The following PMEPA1 variants were observed in gnomAD, a reference collection of about 807,000 sequenced individuals.
PMEPA1 encodes the protein prostate transmembrane protein, androgen induced 1, also known as protein TMEPAI.
PMEPA1 carries 11 observed loss-of-function variants against 23.0 expected under a neutral mutation model. That is an observed-to-expected ratio of 0.48 (90% CI 0.30 to 0.79). The LOEUF (loss-of-function observed/expected upper bound fraction) is 0.79, where lower values mean the gene tolerates loss of function less well. Among genes scored for constraint, PMEPA1 ranks in the 30% least tolerant of loss-of-function variants. The pLI, the probability that PMEPA1 is intolerant of heterozygous loss-of-function variation, is 0.06. For missense variants in PMEPA1, 377 were observed against 390.9 expected, an observed-to-expected ratio of 0.96 and a Z score of 0.30; for synonymous variants, 204 against 166.4, an observed-to-expected ratio of 1.23 and a Z score of -1.74.
At chr20:57,653,133 G>C in intron 2 of PMEPA1, 47 bp from the exon 3 acceptor site, 1 of 1,489,500 alleles carries the variant, frequency 6.7e-7, no homozygotes, top group Non-Finnish European at 9.2e-7. Context: ...GTGGGCAGGA[G>C]GGACAGCAAA....
At position 57,649,400 on chromosome 20, in the gene PMEPA1, C is replaced by A. The variant is rs528024892; in HGVS notation, c.*2653G>T. ...CACTACCCCATGAACTTCTGCCATC[C>A]ACTGGACATGAAGCTGAGGACACTG... On this transcript the variant is annotated 3_prime_UTR_variant, in exon 4 of 4. Transcript: ENST00000341744. The A allele has an allele frequency of 6.6e-6, 1 of 152,224 alleles. No homozygotes were observed. Among genetic ancestry groups the A allele is most frequent in the Non-Finnish European group, 1.5e-5 (1 of 68,078 alleles). The allele number at this position is 152,224 out of a possible 1,614,324, so 9.4% of individuals were successfully genotyped here. A position where few individuals can be genotyped will look rare whatever the true frequency, so the allele number is the denominator to read the frequency against.
At chr20:57,688,102 C>T (rs927660504) in intron 1 of PMEPA1, among the ~76,000 whole-genome samples, 9 of 152,180 alleles carry the variant, frequency 5.9e-5, no homozygotes, top group African/African-American at 1.4e-4. Context: ...GCCTCCGCCT[C>T]GGGACGGCCT....
Position 57,704,857 on chromosome 20 carries a change from T to G in PMEPA1, c.109+4617A>C, listed in dbSNP as rs2072056626. On this transcript the variant is annotated intron_variant, in intron 1 of 3. Transcript: ENST00000341744. The surrounding 1 kb of genome is among the most constrained non-coding windows in gnomAD (Gnocchi z 4.6). ...GCATCTTGCAGCATGGAGGCTTCCT[T>G]GGGGCTCCTGAGGGAGGCAACTCTG... Among the ~76,000 whole-genome samples, 1 of 152,136 alleles carries G rather than the reference T, an allele frequency of 6.6e-6. No homozygotes were observed. The highest frequency in any genetic ancestry group is 6.5e-5 in the Admixed American group (1 of 15,280).
chr20:57,659,055 G>C (rs940083756), intron 2 of PMEPA1, among the ~76,000 whole-genome samples: 5 of 152,206 alleles, frequency 3.3e-5, no homozygotes, highest in African/African-American at 1.2e-4. Flanking sequence ...GTCAAGACGG[G>C]GGTCAGCTTG....
In PMEPA1 at chr20:57,709,464, G is replaced by A; in HGVS notation, c.109+10C>T. 9.0e-7 allele frequency: 1 copy of A among 1,111,038 alleles called. No homozygotes were observed. The highest frequency in any genetic ancestry group is 3.2e-5 in the South Asian group (1 of 31,636). 68.8% of individuals were successfully genotyped at this position (1,111,038 alleles called of 1,614,324 possible). On this transcript the variant is annotated intron_variant, in intron 1 of 3. Coordinates refer to ENST00000341744, the MANE Select transcript of PMEPA1 (RefSeq NM_020182.5). ...GGAGTCTCCGGGGAGGGGGGCGTGGGGTCACTCACTGATCTCCATGCTCTG... is the reference window on the plus strand; with the variant it reads ...GGAGTCTCCGGGGAGGGGGGCGTGGAGTCACTCACTGATCTCCATGCTCTG...
At chr20:57,668,663 T>C (rs1207251440) in intron 1 of PMEPA1, among the ~76,000 whole-genome samples, 1 of 152,206 alleles carries the variant, frequency 6.6e-6, no homozygotes, top group African/African-American at 2.4e-5. Context: ...TATTTTCAGG[T>C]GTGAACCTTT....
chr20:57,706,182 G>T (rs1169464052), intron 1 of PMEPA1, among the ~76,000 whole-genome samples: 1 of 152,142 alleles, frequency 6.6e-6, no homozygotes, highest in Non-Finnish European at 1.5e-5. Flanking sequence ...CTCAGGAAAC[G>T]CCTCCCGCGT....
intron 1 of PMEPA1, among the ~76,000 whole-genome samples, chr20:57,693,394 C>T (rs564748525): frequency 1.3e-5 from 2 of 152,340 alleles, no homozygotes; most frequent in South Asian, 4.1e-4. Context: ...GGATCCGAGA[C>T]CTGCATCCAG....
chr20:57,687,064 G>T (rs996765532), intron 1 of PMEPA1, among the ~76,000 whole-genome samples: 2 of 152,176 alleles, frequency 1.3e-5, no homozygotes, highest in Admixed American at 6.5e-5. Context: ...CCTAATCTTC[G>T]CTCCTCTTGC....
At chr20:57,673,926 C>CATGCAACCA (rs1300613265) in intron 1 of PMEPA1, among the ~76,000 whole-genome samples, 6 of 152,220 alleles carry the variant, frequency 3.9e-5, no homozygotes, top group African/African-American at 1.4e-4. Flanking sequence ...AATGGGGCCT[C>CATGCAACCA]ACTCATGCAA....
intron 1 of PMEPA1, among the ~76,000 whole-genome samples, chr20:57,693,243 G>A (rs1286223218): frequency 6.6e-6 from 1 of 152,210 alleles, no homozygotes; most frequent in Admixed American, 6.5e-5. Flanking sequence ...TCAGGTAGGA[G>A]GCAGGCCCAC....
At chr20:57,706,272 C>T (rs2072085978) in intron 1 of PMEPA1, among the ~76,000 whole-genome samples, 1 of 152,106 alleles carries the variant, frequency 6.6e-6, no homozygotes, top group Admixed American at 6.5e-5. Context: ...AAGTTTGAGG[C>T]AATAACCAGA....
In PMEPA1 at chr20:57,652,906, C is replaced by A; in HGVS notation, c.318+127G>T. ...AGATGATCTCCGGCAAGGAGGATCC[C>A]AGCAGCAAGGGCACTGCAGAGGAGG... is the stretch of plus-strand genomic sequence containing the variant. On this transcript the variant is annotated intron_variant, in intron 3 of 3. Coordinates refer to ENST00000341744, the MANE Select transcript of PMEPA1 (RefSeq NM_020182.5). The surrounding 1 kb of genome is among the most constrained non-coding windows in gnomAD (Gnocchi z 6.1). 1 of 826,830 alleles carries A rather than the reference C, an allele frequency of 1.2e-6. No individual in the cohort carries two copies. 51.2% of individuals were successfully genotyped at this position (826,830 alleles called of 1,614,324 possible).
intron 1 of PMEPA1, among the ~76,000 whole-genome samples, chr20:57,676,823 CAGA>C (rs2071643511): frequency 6.6e-6 from 1 of 152,226 alleles, no homozygotes; most frequent in Admixed American, 6.5e-5. Context: ...CCCTCAAGAG[CAGA>C]AGGTTTCTCC....
At position 57,652,408 on chromosome 20, in the gene PMEPA1, C is replaced by G; in HGVS notation, c.509G>C (p.Arg170Pro). Residue 170 changes from arginine (R) to proline (P), a missense_variant, in exon 4 of 4, where the codon CGG becomes CCG. By Grantham distance (103) the Arg-to-Pro change is moderately radical. Coordinates refer to ENST00000341744, the MANE Select transcript of PMEPA1 (RefSeq NM_020182.5). This position sits in a 1 kb window ranked among gnomAD's most constrained non-coding sequence, Gnocchi z 6.1. ...PYQGPCTLQLRDPEQQLELNR... is the reference protein window; with the variant it reads ...PYQGPCTLQLPDPEQQLELNR... ...CAGTTCCAGCTGCTGCTCGGGGTCC[C>G]GAAGCTGGAGGGTGCAGGGGCCCTG... The G allele has an allele frequency of 1.2e-6, 2 of 1,613,638 alleles. No homozygotes were observed. The highest frequency in any genetic ancestry group is 1.7e-6 in the Non-Finnish European group (2 of 1,179,864).
intron 2 of PMEPA1, among the ~76,000 whole-genome samples, chr20:57,658,982 G>A (rs964361703): frequency 6.6e-6 from 1 of 152,174 alleles, no homozygotes; most frequent in African/African-American, 2.4e-5. Flanking sequence ...CCTGCCCCAG[G>A]TGCCTCCCTG....
At chr20:57,679,718 G>A (rs559891252) in intron 1 of PMEPA1, among the ~76,000 whole-genome samples, 1 of 152,220 alleles carries the variant, frequency 6.6e-6, no homozygotes, top group South Asian at 2.1e-4. Flanking sequence ...ATGCTGGAAG[G>A]GGGTGGTCAC....
chr20:57,700,968 T>C (rs1452136784), intron 1 of PMEPA1, among the ~76,000 whole-genome samples: 1 of 151,214 alleles, frequency 6.6e-6, no homozygotes, highest in Admixed American at 6.6e-5. Context: ...AGGTAGAGGT[T>C]GCAGTGAGCT....
At position 57,664,264 on chromosome 20, in the gene PMEPA1, C is replaced by T. The variant is rs111514520; in HGVS notation, c.110-4567G>A. On this transcript the variant is annotated intron_variant, in intron 1 of 3. Coordinates refer to ENST00000341744, the MANE Select transcript of PMEPA1 (RefSeq NM_020182.5). ...TGGGACAGCCACGCCCTGACACTGT[C>T]GGTCCCCACCCCACACCACCCCAGG... 9.7e-4 allele frequency among the ~76,000 whole-genome samples: 148 copies of T among 152,294 alleles called. 1 individual carries two copies. Among genetic ancestry groups the T allele is most frequent in the African/African-American group, 3.1e-3 (130 of 41,574 alleles).
Sources: allele counts gnomAD v4.1 joint callset (sites outside exome capture counted in the v4.1 genomes callset), GRCh38; gene constraint gnomAD v4.1.1; non-coding constraint Gnocchi (gnomAD v3.1); transcripts MANE v1.5; gene names NCBI Gene and HGNC (gene_info 2026-07-23, HGNC 2026-07-21).